Variants in TSNARE1 observed in about 807,000 individuals in gnomAD.
TSNARE1 encodes the protein t-SNARE domain containing 1.
TSNARE1 carries 49 observed loss-of-function variants against 62.0 expected under a neutral mutation model. The observed-to-expected ratio is 0.79, with a 90% CI of 0.63 to 1.00. The LOEUF (loss-of-function observed/expected upper bound fraction) is 1.00, where lower values mean the gene tolerates loss of function less well. TSNARE1 is among the 50% of genes least tolerant of loss of function. The probability of loss-of-function intolerance (pLI) is 0.00; values close to 1 mark genes in which losing one functional copy is unlikely to be tolerated. For synonymous variants in TSNARE1, 328 were observed against 294.4 expected (o/e 1.11, Z -1.17); for missense variants, 755 against 700.1 (o/e 1.08, Z -0.88).
intron 1 of TSNARE1, among the ~76,000 whole-genome samples, chr8:142,382,174 A>AGAG (rs150345772): frequency 0.025 from 3,777 of 152,222 alleles, 158 homozygotes; most frequent in African/African-American, 0.085. Context: ...ACAGAGAGCC[A>AGAG]GAGGAGGAGG....
At chr8:142,351,421 A>T (rs539810476) in intron 2 of TSNARE1, among the ~76,000 whole-genome samples, 1 of 152,370 alleles carries the variant, frequency 6.6e-6, no homozygotes, top group East Asian at 1.9e-4. Context: ...ATTTAAGAAA[A>T]GATATGTAAG....
chr8:142,396,813 G>C (rs548785478), intron 1 of TSNARE1, among the ~76,000 whole-genome samples: 15 of 152,324 alleles, frequency 9.8e-5, no homozygotes, highest in African/African-American at 3.6e-4. Flanking sequence ...CCTAGCAGGT[G>C]CCTGACAGAT....
intron 10 of TSNARE1, among the ~76,000 whole-genome samples, chr8:142,298,132 T>C (rs1009196141): frequency 1.4e-4 from 22 of 152,302 alleles, no homozygotes; most frequent in African/African-American, 4.8e-4. Flanking sequence ...CTGGTCTAGA[T>C]GCAAGCCCAG....
chr8:142,320,723 C>A (rs1829360364), intron 6 of TSNARE1, among the ~76,000 whole-genome samples: 2 of 152,252 alleles, frequency 1.3e-5, no homozygotes, highest in Admixed American at 6.5e-5. Context: ...TGTGGTCACG[C>A]TGCCACCGTG....
intron 4 of TSNARE1, among the ~76,000 whole-genome samples, chr8:142,334,349 C>G (rs1214586770): frequency 6.6e-6 from 1 of 152,148 alleles, no homozygotes. Context: ...TATTTCAGCT[C>G]AAGTTTTTCT....
At chr8:142,314,500 A>C (rs959529894) in intron 8 of TSNARE1, 60 bp from the exon 9 acceptor site, 1 of 1,495,176 alleles carries the variant, frequency 6.7e-7, no homozygotes. Flanking sequence ...GGGAAGGGAG[A>C]AGAAATGGTC....
At position 142,273,384 on chromosome 8, in the gene TSNARE1, CCTT is replaced by C. The variant is rs941633704; in HGVS notation, c.1446+1394_1446+1396del. 4.1e-6 allele frequency: 4 copies of C among 985,292 alleles called. No homozygotes were observed. In the African/African-American group the frequency reaches 7.0e-5, roughly 17 times the overall value. The allele number at this position is 985,292 out of a possible 1,614,324, so 61.0% of individuals were successfully genotyped here. On this transcript the variant is annotated intron_variant, in intron 12 of 13. Coordinates refer to ENST00000524325, the MANE Select transcript of TSNARE1 (RefSeq NM_145003.5). ...CCACCTTGCCCGTCACCAGGCGTCA[CCTT>C]CTGCCCATCACCTTCTGCCTCCTGG...
intron 13 of TSNARE1, among the ~76,000 whole-genome samples, chr8:142,217,462 G>C (rs1047276944): frequency 6.6e-6 from 1 of 152,194 alleles, no homozygotes; most frequent in African/African-American, 2.4e-5. Flanking sequence ...TGCTGTCCAT[G>C]GTGCTGAGAT....
intron 12 of TSNARE1, among the ~76,000 whole-genome samples, chr8:142,236,477 G>A (rs961547708): frequency 1.3e-5 from 2 of 151,872 alleles, no homozygotes; most frequent in South Asian, 2.1e-4. Context: ...GCAACCTCCC[G>A]GGCTCCTCAG....
chr8:142,268,773 C>T (rs749795469), intron 12 of TSNARE1, among the ~76,000 whole-genome samples: 46 of 152,138 alleles, frequency 3.0e-4, no homozygotes, highest in Non-Finnish European at 5.9e-4. Context: ...GAAACACAAG[C>T]GTGATGGGGG....
chr8:142,251,252 G>T (rs1052334753), intron 12 of TSNARE1, among the ~76,000 whole-genome samples: 14 of 146,936 alleles, frequency 9.5e-5, no homozygotes, highest in South Asian at 4.4e-4. Context: ...ACCGCAGCCT[G>T]CCCCCCATGC....
chr8:142,396,956 C>T (rs1587155717), intron 1 of TSNARE1, among the ~76,000 whole-genome samples: 3 of 152,150 alleles, frequency 2.0e-5, no homozygotes, highest in Admixed American at 1.3e-4. Flanking sequence ...GTAGCAGTGG[C>T]GAGGCAGCCC....
intron 13 of TSNARE1, among the ~76,000 whole-genome samples, chr8:142,216,434 C>G (rs1331441492): frequency 6.6e-6 from 1 of 152,162 alleles, no homozygotes; most frequent in African/African-American, 2.4e-5. Flanking sequence ...TGGGCTCTGG[C>G]GTCCTCTGGC....
chr8:142,277,204 C>A, intron 11 of TSNARE1: 3 of 985,360 alleles, frequency 3.0e-6, no homozygotes, highest in Non-Finnish European at 3.6e-6. Flanking sequence ...GGGTGCTCCA[C>A]GGGGGCCCCT....
Position 142,272,563 on chromosome 8 carries a change from T to C in TSNARE1, c.1446+2218A>G, listed in dbSNP as rs1304970267. ...CCCACCTGTCTACACCTTCCTTCCA[T>C]CCACCCACCCGTCTACACCTTCCTC... On this transcript the variant is annotated intron_variant, in intron 12 of 13. Coordinates refer to ENST00000524325, the MANE Select transcript of TSNARE1 (RefSeq NM_145003.5). 4.7e-5 allele frequency: 26 copies of C among 550,536 alleles called. No homozygotes were observed. The Admixed American group carries it at 2.0e-3, about 42-fold the overall frequency. 34.1% of individuals were successfully genotyped at this position (550,536 alleles called of 1,614,324 possible). A position where few individuals can be genotyped will look rare whatever the true frequency, so the allele number is the denominator to read the frequency against.
At chr8:142,309,970 T>TAA (rs148879667) in intron 9 of TSNARE1, among the ~76,000 whole-genome samples, 33 of 151,340 alleles carry the variant, frequency 2.2e-4, no homozygotes, top group African/African-American at 6.3e-4. Context: ...AATTGTTTTC[T>TAA]AAAAAAAAAG....
intron 1 of TSNARE1, among the ~76,000 whole-genome samples, chr8:142,386,461 A>T (rs1837118604): frequency 7.9e-5 from 12 of 152,190 alleles, no homozygotes; most frequent in Admixed American, 7.8e-4. Flanking sequence ...TTAACAATAC[A>T]TGCACACACA....
At chr8:142,400,169 C>T (rs887295648) in intron 1 of TSNARE1, among the ~76,000 whole-genome samples, 2 of 152,166 alleles carry the variant, frequency 1.3e-5, no homozygotes, top group Admixed American at 1.3e-4. Flanking sequence ...AGTGGCTGGG[C>T]ACAGTGGCTC....
At chr8:142,385,658 C>T (rs540813533) in intron 1 of TSNARE1, among the ~76,000 whole-genome samples, 18 of 152,234 alleles carry the variant, frequency 1.2e-4, no homozygotes, top group African/African-American at 3.9e-4. Context: ...AACAGAAATA[C>T]AAGTAGATTT....
Sources: gnomAD v4.1 joint callset for allele counts (sites outside exome capture counted in the v4.1 genomes callset) on GRCh38, gnomAD v4.1.1 for gene constraint, MANE v1.5 for transcripts, NCBI Gene and HGNC (gene_info 2026-07-23, HGNC 2026-07-21) for gene names.